PPP1R3D: variants seen among roughly 807,000 people sequenced by gnomAD.
PPP1R3D encodes the protein protein phosphatase 1 regulatory subunit 3D.
PPP1R3D carries 27 observed loss-of-function variants against 16.3 expected under a neutral mutation model. That is an observed-to-expected ratio of 1.66 (90% confidence interval 1.22 to 2.29). PPP1R3D has a LOEUF of 2.29. Ranked by LOEUF, PPP1R3D falls within the 30% of genes most tolerant of loss-of-function variation. PPP1R3D has a pLI of 0.00. For missense variants in PPP1R3D, 472 were observed against 438.3 expected, an observed-to-expected ratio of 1.08 and a Z score of -0.69; for synonymous variants, 223 against 209.7, an observed-to-expected ratio of 1.06 and a Z score of -0.55.
At position 59,940,063 on chromosome 20, in the gene PPP1R3D, G is replaced by A; in HGVS notation, c.-132C>T. 1.4e-6 allele frequency: 1 copy of A among 721,866 alleles called. No homozygotes were observed. The highest frequency in any genetic ancestry group is 2.0e-6 in the Non-Finnish European group (1 of 510,002). The allele number at this position is 721,866 out of a possible 1,614,324, so 44.7% of individuals were successfully genotyped here. ...ACCTGCGGGGGACCTCTCGGGCCCGGTGCGCCCTACCCTTGGTTCGCCACC... is the reference window on the plus strand; with the variant it reads ...ACCTGCGGGGGACCTCTCGGGCCCGATGCGCCCTACCCTTGGTTCGCCACC... On this transcript the variant is annotated 5_prime_UTR_variant, in exon 1 of 1. Coordinates refer to ENST00000370996, the MANE Select transcript of PPP1R3D (RefSeq NM_006242.4).
chr20:59,938,690 G>A lies in PPP1R3D; in HGVS notation c.*342C>T. Reference sequence around the variant, plus strand: ...TTACAGAGACACATTCAGGACACATGCAAAAGCTTTTCCTAGCAGGAGGAC... The same window carrying A: ...TTACAGAGACACATTCAGGACACATACAAAAGCTTTTCCTAGCAGGAGGAC... On this transcript the variant is annotated 3_prime_UTR_variant, in exon 1 of 1. Transcript: ENST00000370996. 4.6e-6 allele frequency: 1 copy of A among 216,058 alleles called. No homozygotes were observed. Among genetic ancestry groups the A allele is most frequent in the Non-Finnish European group, 9.1e-6 (1 of 109,968 alleles). The allele number at this position is 216,058 out of a possible 1,614,324, so 13.4% of individuals were successfully genotyped here.
In PPP1R3D at chr20:59,938,437, T is replaced by C. The variant is rs2060874965; in HGVS notation, c.*595A>G. 6.6e-6 allele frequency: 1 copy of C among 152,394 alleles called. No homozygotes were observed. The highest frequency in any genetic ancestry group is 2.4e-5 in the African/African-American group (1 of 41,554). 9.4% of individuals were successfully genotyped at this position (152,394 alleles called of 1,614,324 possible). A position where few individuals can be genotyped will look rare whatever the true frequency, so the allele number is the denominator to read the frequency against. On this transcript the variant is annotated 3_prime_UTR_variant, in exon 1 of 1. Coordinates refer to ENST00000370996, the MANE Select transcript of PPP1R3D (RefSeq NM_006242.4). ...TTCTTGCCTATTAATAGTTTCCCAC[T>C]GTTAGAAGGCTACAGCCGTTGGCAA...
At position 59,939,742 on chromosome 20, in the gene PPP1R3D, G is replaced by A. The variant is rs1487192465; in HGVS notation, c.190C>T (p.Leu64=). The change falls in exon 1 of 1, where the codon CTG becomes TTG. Residue 64 remains leucine (L), a synonymous_variant. Coordinates refer to ENST00000370996, the MANE Select transcript of PPP1R3D (RefSeq NM_006242.4). The part of the protein sequence containing the change: ...TPAPSGCDPR[L]RPIILRRARS... ...GCCCGCCGCAGGATGATGGGCCGCA[G>A]GCGGGGGTCGCAGCCCGACGGCGCT... 5 of 1,233,778 alleles carry A rather than the reference G, an allele frequency of 4.1e-6. No individual in the cohort carries two copies. The highest frequency in any genetic ancestry group is 3.7e-5 in the South Asian group (1 of 26,726). 76.4% of individuals were successfully genotyped at this position (1,233,778 alleles called of 1,614,324 possible).
chr20:59,938,845 C>T lies in PPP1R3D; in HGVS notation c.*187G>A, dbSNP rs184223920. On this transcript the variant is annotated 3_prime_UTR_variant, in exon 1 of 1. Coordinates refer to ENST00000370996, the MANE Select transcript of PPP1R3D (RefSeq NM_006242.4). The stretch of plus-strand genomic sequence containing the variant: ...GGCCACCTGAGGCTACTTTTTAGAC[C>T]AAGTGACTCAGACGTTTCAAGTAGA... 1,389 of 494,036 alleles carry T rather than the reference C, an allele frequency of 2.8e-3. 23 individuals carry two copies. Among genetic ancestry groups the T allele is most frequent in the African/African-American group, 0.025 (1,260 of 51,142 alleles). 30.6% of individuals were successfully genotyped at this position (494,036 alleles called of 1,614,324 possible).
Position 59,936,936 on chromosome 20 carries a change from G to T in PPP1R3D, c.*2096C>A, listed in dbSNP as rs1425751288. The T allele has an allele frequency of 1.3e-5, 2 of 152,552 alleles. No homozygotes were observed. Among genetic ancestry groups the T allele is most frequent in the Non-Finnish European group, 2.9e-5 (2 of 68,022 alleles). 9.4% of individuals were successfully genotyped at this position (152,552 alleles called of 1,614,324 possible). A position where few individuals can be genotyped will look rare whatever the true frequency, so the allele number is the denominator to read the frequency against. ...AACCCAGCAATTGCACAGCCCACTA[G>T]AAAATTTTAACATCTAAGTAATATA... is the stretch of plus-strand genomic sequence containing the variant. On this transcript the variant is annotated 3_prime_UTR_variant, in exon 1 of 1. Coordinates refer to ENST00000370996, the MANE Select transcript of PPP1R3D (RefSeq NM_006242.4).
rs1224716257 is a variant in PPP1R3D, at chr20:59,938,035, T to C, written c.*997A>G. On this transcript the variant is annotated 3_prime_UTR_variant, in exon 1 of 1. Coordinates refer to ENST00000370996, the MANE Select transcript of PPP1R3D (RefSeq NM_006242.4). ...ACACCTTCTAGTTCCACCTTGTAACTGGACTCCCAAAAGATGAATGCTGAC... is the reference window on the plus strand; with the variant it reads ...ACACCTTCTAGTTCCACCTTGTAACCGGACTCCCAAAAGATGAATGCTGAC... 2 of 152,220 alleles carry C rather than the reference T, an allele frequency of 1.3e-5. No individual in the cohort carries two copies. The highest frequency in any genetic ancestry group is 2.9e-5 in the Non-Finnish European group (2 of 68,028). The allele number at this position is 152,220 out of a possible 1,614,324, so 9.4% of individuals were successfully genotyped here.
Position 59,938,812 on chromosome 20 carries a change from G to C in PPP1R3D, c.*220C>G. 2 of 378,660 alleles carry C rather than the reference G, an allele frequency of 5.3e-6. No homozygotes were observed. The highest frequency in any genetic ancestry group is 4.6e-5 in the Admixed American group (1 of 21,810). 23.5% of individuals were successfully genotyped at this position (378,660 alleles called of 1,614,324 possible). A position where few individuals can be genotyped will look rare whatever the true frequency, so the allele number is the denominator to read the frequency against. On this transcript the variant is annotated 3_prime_UTR_variant, in exon 1 of 1. Coordinates refer to ENST00000370996, the MANE Select transcript of PPP1R3D (RefSeq NM_006242.4). The stretch of plus-strand genomic sequence containing the variant: ...CCTGCCCCAACTCATTACACAACTC[G>C]GCCTTCTGGCCACCTGAGGCTACTT...
rs1309938695 is a variant in PPP1R3D at position 59,938,803 on chromosome 20, A to G, written c.*229T>C. 7.6e-6 allele frequency: 3 copies of G among 395,392 alleles called. No individual in the cohort carries two copies. The highest frequency in any genetic ancestry group is 3.9e-5 in the East Asian group (1 of 25,432). The allele number at this position is 395,392 out of a possible 1,614,324, so 24.5% of individuals were successfully genotyped here. ...CCCCACCACCCTGCCCCAACTCATT[A>G]CACAACTCGGCCTTCTGGCCACCTG... On this transcript the variant is annotated 3_prime_UTR_variant, in exon 1 of 1. Coordinates refer to ENST00000370996, the MANE Select transcript of PPP1R3D (RefSeq NM_006242.4).
At position 59,936,959 on chromosome 20, in the gene PPP1R3D, A is replaced by G. The variant is rs1260101491; in HGVS notation, c.*2073T>C. On this transcript the variant is annotated 3_prime_UTR_variant, in exon 1 of 1. Coordinates refer to ENST00000370996, the MANE Select transcript of PPP1R3D (RefSeq NM_006242.4). ...TAGAAAATTTTAACATCTAAGTAATATAACTGTTTTAGGGTCTGAAAGTTC... is the reference window on the plus strand; with the variant it reads ...TAGAAAATTTTAACATCTAAGTAATGTAACTGTTTTAGGGTCTGAAAGTTC... 1.3e-5 allele frequency: 2 copies of G among 152,682 alleles called. No homozygotes were observed. The highest frequency in any genetic ancestry group is 6.5e-5 in the Admixed American group (1 of 15,286). 9.5% of individuals were successfully genotyped at this position (152,682 alleles called of 1,614,324 possible).
rs762410749 is a variant in PPP1R3D, at chr20:59,939,731, G to A, written c.201C>T (p.Ile67=). The A allele has an allele frequency of 1.7e-5, 21 of 1,255,770 alleles. 1 individual carries two copies. The South Asian group carries it at 4.1e-4, about 25-fold the overall frequency. The allele number at this position is 1,255,770 out of a possible 1,614,324, so 77.8% of individuals were successfully genotyped here. Residue 67 remains isoleucine, a synonymous_variant, in exon 1 of 1, where the codon ATC becomes ATT. Coordinates refer to ENST00000370996, the MANE Select transcript of PPP1R3D (RefSeq NM_006242.4). The part of the protein sequence containing the change: ...PSGCDPRLRP[I]ILRRARSLPS... The stretch of plus-strand genomic sequence containing the variant: ...GCAGTGAGCGCGCCCGCCGCAGGAT[G>A]ATGGGCCGCAGGCGGGGGTCGCAGC...
Position 59,939,970 on chromosome 20 carries a change from G to T in PPP1R3D, c.-39C>A, listed in dbSNP as rs559988450. 3.2e-6 allele frequency: 4 copies of T among 1,254,606 alleles called. No individual in the cohort carries two copies. Among genetic ancestry groups the T allele is most frequent in the South Asian group, 4.0e-5 (1 of 24,946 alleles). The allele number at this position is 1,254,606 out of a possible 1,614,324, so 77.7% of individuals were successfully genotyped here. A position where few individuals can be genotyped will look rare whatever the true frequency, so the allele number is the denominator to read the frequency against. On this transcript the variant is annotated 5_prime_UTR_variant, in exon 1 of 1. Coordinates refer to ENST00000370996, the MANE Select transcript of PPP1R3D (RefSeq NM_006242.4). ...GTCGGAAGATGAGGCAGGGATGAGA[G>T]ACGACCTCCCGACCCCGCGACAGCT...
Position 59,939,874 on chromosome 20 carries a change from C to T in PPP1R3D, c.58G>A (p.Gly20Ser). ...GACAGGCAGCTGAGGCTCCGGGGGC[C>T]GAGCTTCCGGGATCCCAGGGCGCTA... ...LPSALGSRKL[G>S]PRSLSCLSDL... The change falls in exon 1 of 1, where the codon GGC becomes AGC. Residue 20 changes from glycine (G) to serine (S), a missense_variant. Physicochemically the swap from Gly to Ser is moderately conservative, Grantham distance 56. Transcript: ENST00000370996. 8.0e-7 allele frequency: 1 copy of T among 1,248,192 alleles called. No homozygotes were observed. 77.3% of individuals were successfully genotyped at this position (1,248,192 alleles called of 1,614,324 possible). A position where few individuals can be genotyped will look rare whatever the true frequency, so the allele number is the denominator to read the frequency against.
At position 59,938,911 on chromosome 20, in the gene PPP1R3D, A is replaced by G. The variant is rs2060878011; in HGVS notation, c.*121T>C. On this transcript the variant is annotated 3_prime_UTR_variant, in exon 1 of 1. Coordinates refer to ENST00000370996, the MANE Select transcript of PPP1R3D (RefSeq NM_006242.4). ...CTGCCAGGGGACCTTGCAGCAGAAA[A>G]TTAGGTCAGAGGACTTGGAGGGTGG... 2 of 988,728 alleles carry G rather than the reference A, an allele frequency of 2.0e-6. No individual in the cohort carries two copies. Among genetic ancestry groups the G allele is most frequent in the Admixed American group, 6.8e-5 (2 of 29,224 alleles). 61.2% of individuals were successfully genotyped at this position (988,728 alleles called of 1,614,324 possible). A position where few individuals can be genotyped will look rare whatever the true frequency, so the allele number is the denominator to read the frequency against.
rs919403233 is a variant in PPP1R3D, at chr20:59,939,948, G to T, written c.-17C>A. ...TCTGGACATGGCCCCGCCGGCCGTC[G>T]GAAGATGAGGCAGGGATGAGAGACG... On this transcript the variant is annotated 5_prime_UTR_variant, in exon 1 of 1. Transcript: ENST00000370996. 2 of 1,264,682 alleles carry T rather than the reference G, an allele frequency of 1.6e-6. No individual in the cohort carries two copies. Among genetic ancestry groups the T allele is most frequent in the Admixed American group, 3.7e-5 (1 of 26,688 alleles). 78.3% of individuals were successfully genotyped at this position (1,264,682 alleles called of 1,614,324 possible). A position where few individuals can be genotyped will look rare whatever the true frequency, so the allele number is the denominator to read the frequency against.
At position 59,936,879 on chromosome 20, in the gene PPP1R3D, T is replaced by G. The variant is rs1401765328; in HGVS notation, c.*2153A>C. On this transcript the variant is annotated 3_prime_UTR_variant, in exon 1 of 1. Coordinates refer to ENST00000370996, the MANE Select transcript of PPP1R3D (RefSeq NM_006242.4). ...TACTTAGGCTTGGGTAAAATCATTT[T>G]AAATAACATATTAAAATATGTTTGG... 1 of 152,480 alleles carries G rather than the reference T, an allele frequency of 6.6e-6. No individual in the cohort carries two copies. Among genetic ancestry groups the G allele is most frequent in the African/African-American group, 2.4e-5 (1 of 41,450 alleles). 9.4% of individuals were successfully genotyped at this position (152,480 alleles called of 1,614,324 possible).
chr20:59,940,060 C>T lies in PPP1R3D; in HGVS notation c.-129G>A. On this transcript the variant is annotated 5_prime_UTR_variant, in exon 1 of 1. Transcript: ENST00000370996. ...GCAACCTGCGGGGGACCTCTCGGGC[C>T]CGGTGCGCCCTACCCTTGGTTCGCC... 1.4e-6 allele frequency: 1 copy of T among 731,426 alleles called. No individual in the cohort carries two copies. 45.3% of individuals were successfully genotyped at this position (731,426 alleles called of 1,614,324 possible). A position where few individuals can be genotyped will look rare whatever the true frequency, so the allele number is the denominator to read the frequency against.
In PPP1R3D at chr20:59,939,934, C is replaced by A. The variant is rs972658243; in HGVS notation, c.-3G>T. Reference sequence around the variant, plus strand: ...GCGGAGCTCGGGCCTCTGGACATGGCCCCGCCGGCCGTCGGAAGATGAGGC... The same window carrying A: ...GCGGAGCTCGGGCCTCTGGACATGGACCCGCCGGCCGTCGGAAGATGAGGC... On this transcript the variant is annotated 5_prime_UTR_variant, in exon 1 of 1. Coordinates refer to ENST00000370996, the MANE Select transcript of PPP1R3D (RefSeq NM_006242.4). 3.2e-6 allele frequency: 4 copies of A among 1,263,140 alleles called. No homozygotes were observed. In the African/African-American group the frequency reaches 6.2e-5, roughly 19 times the overall value. 78.2% of individuals were successfully genotyped at this position (1,263,140 alleles called of 1,614,324 possible). A position where few individuals can be genotyped will look rare whatever the true frequency, so the allele number is the denominator to read the frequency against.
In PPP1R3D at chr20:59,939,743, G is replaced by T; in HGVS notation, c.189C>A (p.Arg63=). The T allele has an allele frequency of 5.7e-6, 7 of 1,233,620 alleles. No individual in the cohort carries two copies. The highest frequency in any genetic ancestry group is 6.1e-6 in the Non-Finnish European group (6 of 989,544). 76.4% of individuals were successfully genotyped at this position (1,233,620 alleles called of 1,614,324 possible). A position where few individuals can be genotyped will look rare whatever the true frequency, so the allele number is the denominator to read the frequency against. ...CCCGCCGCAGGATGATGGGCCGCAG[G>T]CGGGGGTCGCAGCCCGACGGCGCTG... is the stretch of plus-strand genomic sequence containing the variant. ...PTPAPSGCDP[R]LRPIILRRAR... is the part of the protein sequence containing the mutation. The change falls in exon 1 of 1, where the codon CGC becomes CGA. Residue 63 remains arginine (R), a synonymous_variant. Coordinates refer to ENST00000370996, the MANE Select transcript of PPP1R3D (RefSeq NM_006242.4).
rs1456140371 is a variant in PPP1R3D, at chr20:59,937,530, G to A, written c.*1502C>T. On this transcript the variant is annotated 3_prime_UTR_variant, in exon 1 of 1. Transcript: ENST00000370996. ...TTAAAAGCCGAAATGCATCCTTTCA[G>A]TATTGATTTGACAGATGCCAACAAG... The A allele has an allele frequency of 6.6e-6, 1 of 152,276 alleles. No individual in the cohort carries two copies. The highest frequency in any genetic ancestry group is 1.5e-5 in the Non-Finnish European group (1 of 68,038). 9.4% of individuals were successfully genotyped at this position (152,276 alleles called of 1,614,324 possible).
Sources: allele counts gnomAD v4.1 joint callset, GRCh38; gene constraint gnomAD v4.1.1; transcripts MANE v1.5; gene names NCBI Gene and HGNC (gene_info 2026-07-23, HGNC 2026-07-21).